The following RABGAP1L variants were observed in gnomAD, a reference collection of about 807,000 sequenced individuals.
RABGAP1L encodes the protein rab GTPase-activating protein 1-like.
RABGAP1L carries 63 observed loss-of-function variants against 137.7 expected under a neutral mutation model. The ratio of observed to expected loss-of-function variants is 0.46; its 90% CI spans 0.37 to 0.56. The LOEUF (loss-of-function observed/expected upper bound fraction) is 0.56. RABGAP1L is among the 20% of genes least tolerant of loss of function. The pLI, the probability that RABGAP1L is intolerant of heterozygous loss-of-function variation, is 0.00. For missense variants in RABGAP1L, 1,095 were observed against 1,244.0 expected, an observed-to-expected ratio of 0.88 and a Z score of 1.80; for synonymous variants, 431 against 433.7, an observed-to-expected ratio of 0.99 and a Z score of 0.08.
intron 18 of RABGAP1L, among the ~76,000 whole-genome samples, chr1:174,762,983 T>C (rs915909063): frequency 5.3e-5 from 8 of 151,704 alleles, no homozygotes; most frequent in Admixed American, 5.3e-4. Context: ...CCTGGCTAAT[T>C]TTTGTATTTT....
At chr1:174,581,954 T>TG (rs956040814) in intron 13 of RABGAP1L, among the ~76,000 whole-genome samples, 7 of 152,036 alleles carry the variant, frequency 4.6e-5, no homozygotes, top group African/African-American at 1.7e-4. Flanking sequence ...ATTACCACAG[T>TG]GGGGTAGGAA....
intron 18 of RABGAP1L, among the ~76,000 whole-genome samples, chr1:174,767,135 C>T (rs972988774): frequency 6.6e-6 from 1 of 152,186 alleles, no homozygotes; most frequent in Non-Finnish European, 1.5e-5. Context: ...ATTGATGTCT[C>T]ATGTCTTCCT....
intron 24 of RABGAP1L, 141 bp from the exon 25 acceptor site, chr1:174,988,500 G>A: frequency 1.3e-6 from 1 of 751,338 alleles, no homozygotes. Context: ...TTTGATTGCA[G>A]CACAAGAAAA....
rs201532986 is a variant in RABGAP1L at position 174,278,749 on chromosome 1, C to A, written c.1293C>A (p.Phe431Leu). The change falls in exon 10 of 26, where the codon TTC becomes TTA. Residue 431 changes from phenylalanine to leucine, a missense_variant. By Grantham distance (22) the Phe-to-Leu change is conservative (BLOSUM62 0). This residue lies in a region of RABGAP1L where 315 missense variants were observed against 324.8 expected (regional missense o/e 0.97). Transcript: ENST00000681986. ...TTTGGTATTTCAGCAGAAAGACTTT[C>A]ACAGAGACTTTCTTCATGAGATTGA... ...ERFWYFSRKT[F>L]TETFFMRLKQ... The A allele has an allele frequency of 1.3e-6, 2 of 1,581,358 alleles. No homozygotes were observed. The highest frequency in any genetic ancestry group is 4.6e-5 in the East Asian group (2 of 43,758).
chr1:174,641,857 A>G (rs1674555048), intron 14 of RABGAP1L, among the ~76,000 whole-genome samples: 2 of 152,186 alleles, frequency 1.3e-5, no homozygotes, highest in African/African-American at 4.8e-5. Context: ...TAAATGCAGA[A>G]TTTAGCAGTT....
intron 14 of RABGAP1L, among the ~76,000 whole-genome samples, chr1:174,665,857 A>G (rs1319456920): frequency 6.6e-6 from 1 of 152,264 alleles, no homozygotes; most frequent in Non-Finnish European, 1.5e-5. Flanking sequence ...ATGTAAATAA[A>G]TGGAACAGTA....
At chr1:174,868,792 C>T (rs1487544384) in intron 19 of RABGAP1L, among the ~76,000 whole-genome samples, 1 of 152,062 alleles carries the variant, frequency 6.6e-6, no homozygotes, top group Non-Finnish European at 1.5e-5. Context: ...GATTGTGCCC[C>T]AACGCCCCAC....
At chr1:174,745,053 A>G (rs1048932805) in intron 17 of RABGAP1L, among the ~76,000 whole-genome samples, 5 of 152,190 alleles carry the variant, frequency 3.3e-5, no homozygotes, top group African/African-American at 1.2e-4. Flanking sequence ...TTGGAATTCA[A>G]CTGTGTGGTT....
At chr1:174,480,452 T>C (rs934161435) in intron 13 of RABGAP1L, among the ~76,000 whole-genome samples, 13 of 152,206 alleles carry the variant, frequency 8.5e-5, no homozygotes, top group Admixed American at 8.5e-4. Context: ...ACAGGATAAA[T>C]TGAATTAAAG....
At chr1:174,642,438 C>T (rs567704961) in intron 14 of RABGAP1L, among the ~76,000 whole-genome samples, 12 of 152,234 alleles carry the variant, frequency 7.9e-5, no homozygotes, top group African/African-American at 2.4e-4. Flanking sequence ...CTTAAAATGA[C>T]ATGTAATCAT....
intron 1 of RABGAP1L, among the ~76,000 whole-genome samples, chr1:174,166,506 T>A (rs552641037): frequency 1.3e-5 from 2 of 152,330 alleles, no homozygotes; most frequent in African/African-American, 4.8e-5. Flanking sequence ...TTCCAAGAAT[T>A]TTCTTAGATT....
intron 1 of RABGAP1L, among the ~76,000 whole-genome samples, chr1:174,175,514 G>C (rs1665766165): frequency 6.8e-6 from 1 of 146,570 alleles, no homozygotes; most frequent in Non-Finnish European, 1.5e-5. Context: ...TTTTGAGACA[G>C]AGTCTTGCTA....
At chr1:174,737,467 A>G (rs1683051919) in intron 17 of RABGAP1L, among the ~76,000 whole-genome samples, 1 of 152,114 alleles carries the variant, frequency 6.6e-6, no homozygotes, top group South Asian at 2.1e-4. Context: ...CCATATTTCT[A>G]TCAGCATTGT....
intron 13 of RABGAP1L, among the ~76,000 whole-genome samples, chr1:174,543,741 C>T (rs1665714906): frequency 6.6e-6 from 1 of 152,140 alleles, no homozygotes; most frequent in South Asian, 2.1e-4. Context: ...ACCAGTTGTT[C>T]CTTTCCATGT....
At position 174,972,885 on chromosome 1, in the gene RABGAP1L, T is replaced by G. The variant is rs1451555280; in HGVS notation, c.2545-3193T>G. On this transcript the variant is annotated intron_variant, in intron 21 of 25. Coordinates refer to ENST00000681986, the MANE Select transcript of RABGAP1L (RefSeq NM_001366446.1). ...AAAAAAAAAAAAAAAAAAATTATGG[T>G]GAAGGCTTTATAATTTGGGCTCAAA... Among the ~76,000 whole-genome samples, 97 of 143,652 alleles carry G rather than the reference T, an allele frequency of 6.8e-4. 1 individual carries two copies. The highest frequency in any genetic ancestry group is 7.1e-3 in the Middle Eastern group (2 of 282). 94.2% of individuals were successfully genotyped at this position (143,652 alleles called of 152,430 possible).
intron 13 of RABGAP1L, among the ~76,000 whole-genome samples, chr1:174,438,270 GCTCT>G (rs1048519293): frequency 1.3e-5 from 2 of 152,118 alleles, no homozygotes; most frequent in African/African-American, 4.8e-5. Flanking sequence ...GATCGTTTTA[GCTCT>G]CTTAGATCCT....
chr1:174,760,607 T>C (rs1193471245), intron 18 of RABGAP1L, among the ~76,000 whole-genome samples: 1 of 152,224 alleles, frequency 6.6e-6, no homozygotes, highest in Non-Finnish European at 1.5e-5. Flanking sequence ...GTCTTTGCTA[T>C]TGTGAATAGT....
chr1:174,744,196 A>T (rs531379004), intron 17 of RABGAP1L, among the ~76,000 whole-genome samples: 55 of 149,028 alleles, frequency 3.7e-4, no homozygotes, highest in African/African-American at 1.3e-3. Flanking sequence ...TCTTTTATTT[A>T]GTTACTCCAT....
At chr1:174,802,199 G>T (rs937386205) in intron 18 of RABGAP1L, among the ~76,000 whole-genome samples, 3 of 152,178 alleles carry the variant, frequency 2.0e-5, no homozygotes, top group African/African-American at 4.8e-5. Context: ...ACCAACTCTG[G>T]TTGGTTGCCA....
Sources: allele counts gnomAD v4.1 joint callset (sites outside exome capture counted in the v4.1 genomes callset), GRCh38; gene constraint gnomAD v4.1.1; regional missense constraint gnomAD v4.1.1; transcripts MANE v1.5; gene names NCBI Gene and HGNC (gene_info 2026-07-23, HGNC 2026-07-21).